Variants in LOC728392 observed in about 807,000 individuals in gnomAD.
chr17:5,500,803 G>T, the LOC728392 span: 2 of 1,160,410 alleles, frequency 1.7e-6, no homozygotes, highest in Non-Finnish European at 2.2e-6. The surrounding 1 kb of genome is among the most constrained non-coding windows in gnomAD (Gnocchi z 5.4). Context: ...CCCGCGCGCC[G>T]ACCAGCCTTC....
At chr17:5,500,774 G>C in the LOC728392 span, 1 of 1,160,176 alleles carries the variant, frequency 8.6e-7, no homozygotes, top group South Asian at 1.7e-5. The surrounding 1 kb of genome is among the most constrained non-coding windows in gnomAD (Gnocchi z 5.4). Flanking sequence ...GCCCGGCGCG[G>C]CCCCCCTGCG....
chr17:5,500,242 G>C, the LOC728392 span: 1 of 992,272 alleles, frequency 1.0e-6, no homozygotes, highest in Non-Finnish European at 1.2e-6. This position sits in a 1 kb window ranked among gnomAD's most constrained non-coding sequence, Gnocchi z 5.4. Flanking sequence ...AAGATTGGGC[G>C]CACTCTGAGC....
At chr17:5,500,474 G>C in the LOC728392 span, 17 of 1,151,098 alleles carry the variant, frequency 1.5e-5, no homozygotes, top group Non-Finnish European at 1.9e-5. This position sits in a 1 kb window ranked among gnomAD's most constrained non-coding sequence, Gnocchi z 5.4. Context: ...AAGACGGAAA[G>C]AAACAAGCAT....
the LOC728392 span, chr17:5,500,455 G>T: frequency 8.8e-7 from 1 of 1,142,740 alleles, no homozygotes; most frequent in Non-Finnish European, 1.1e-6. The surrounding 1 kb of genome is among the most constrained non-coding windows in gnomAD (Gnocchi z 5.4). Flanking sequence ...GACAAAGATA[G>T]TGACAACAAA....
chr17:5,500,914 G>C, the LOC728392 span: 1 of 1,262,520 alleles, frequency 7.9e-7, no homozygotes, highest in South Asian at 1.3e-5. The surrounding 1 kb of genome is among the most constrained non-coding windows in gnomAD (Gnocchi z 5.4). Flanking sequence ...GGGCGAATCT[G>C]CTCGAGACCC....
chr17:5,500,130 T>C, the LOC728392 span: 1 of 986,778 alleles, frequency 1.0e-6, no homozygotes, highest in Non-Finnish European at 1.2e-6. This position sits in a 1 kb window ranked among gnomAD's most constrained non-coding sequence, Gnocchi z 5.4. Context: ...CGATGCAGCA[T>C]CACAGGGCTC....
At chr17:5,500,867 G>C in the LOC728392 span, 1 of 1,245,488 alleles carries the variant, frequency 8.0e-7, no homozygotes. This position sits in a 1 kb window ranked among gnomAD's most constrained non-coding sequence, Gnocchi z 5.4. Flanking sequence ...GGTCTTCCGG[G>C]GGAGGCTTGT....
At chr17:5,500,769 G>C in the LOC728392 span, 109 of 1,203,278 alleles carry the variant, frequency 9.1e-5, no homozygotes, top group African/African-American at 1.5e-3. This position sits in a 1 kb window ranked among gnomAD's most constrained non-coding sequence, Gnocchi z 5.4. Context: ...GGGCTGCCCG[G>C]CGCGGCCCCC....
the LOC728392 span, chr17:5,500,501 G>A: frequency 2.6e-6 from 3 of 1,166,570 alleles, no homozygotes; most frequent in South Asian, 1.7e-5. This position sits in a 1 kb window ranked among gnomAD's most constrained non-coding sequence, Gnocchi z 5.4. Context: ...CTACATGAAG[G>A]GGGTGCAGCG....
At chr17:5,500,756 CG>C in the LOC728392 span, 1 of 1,224,508 alleles carries the variant, frequency 8.2e-7, no homozygotes, top group Non-Finnish European at 1.0e-6. This position sits in a 1 kb window ranked among gnomAD's most constrained non-coding sequence, Gnocchi z 5.4. Context: ...ATGCGGCCTT[CG>C]GGGGCTGCCC....
the LOC728392 span, chr17:5,499,768 C>T: frequency 2.0e-6 from 2 of 985,862 alleles, no homozygotes; most frequent in Non-Finnish European, 1.2e-6. Flanking sequence ...ACAGCCCTCC[C>T]GTGGACCCCG....
the LOC728392 span, chr17:5,499,712 C>T: frequency 1.0e-6 from 1 of 957,040 alleles, no homozygotes. Context: ...CTCACAGCTC[C>T]AGAAGTGAGC....
At chr17:5,499,911 G>A in the LOC728392 span, 5 of 984,526 alleles carry the variant, frequency 5.1e-6, no homozygotes, top group East Asian at 1.2e-4. Flanking sequence ...CAGCTCCTCC[G>A]GGTACCAGTC....
At chr17:5,500,388 G>A in the LOC728392 span, 5 of 1,083,592 alleles carry the variant, frequency 4.6e-6, no homozygotes, top group Non-Finnish European at 5.6e-6. The surrounding 1 kb of genome is among the most constrained non-coding windows in gnomAD (Gnocchi z 5.4). Flanking sequence ...TAACCTGCAG[G>A]TGCAAACAGC....
chr17:5,500,108 TC>T, the LOC728392 span: 1 of 986,088 alleles, frequency 1.0e-6, no homozygotes, highest in African/African-American at 1.7e-5. The surrounding 1 kb of genome is among the most constrained non-coding windows in gnomAD (Gnocchi z 5.4). Context: ...CACAGCTGGC[TC>T]CTCCTGGGGG....
the LOC728392 span, chr17:5,499,639 C>T: frequency 2.5e-6 from 1 of 401,708 alleles, no homozygotes; most frequent in Non-Finnish European, 3.4e-6. Context: ...CCCTAGGGAT[C>T]AGGTGGTTTT....
chr17:5,499,533 A>G, the LOC728392 span: 1 of 153,680 alleles, frequency 6.5e-6, no homozygotes, highest in Non-Finnish European at 1.4e-5. Context: ...GCGTTTTAAC[A>G]TTTAACATTC....
At chr17:5,500,983 G>T in the LOC728392 span, 1 of 1,230,274 alleles carries the variant, frequency 8.1e-7, no homozygotes, top group Non-Finnish European at 1.1e-6. This position sits in a 1 kb window ranked among gnomAD's most constrained non-coding sequence, Gnocchi z 5.4. Context: ...AGGTGGGTCA[G>T]CCGGGTCTGG....
chr17:5,500,439 C>G, the LOC728392 span: 1 of 1,136,716 alleles, frequency 8.8e-7, no homozygotes, highest in African/African-American at 1.7e-5. The surrounding 1 kb of genome is among the most constrained non-coding windows in gnomAD (Gnocchi z 5.4). Flanking sequence ...TACTTTCGTA[C>G]TGATAGACAA....
Sources: gnomAD v4.1 joint callset for allele counts on GRCh38, gnomAD v4.1.1 for gene constraint, Gnocchi (gnomAD v3.1) non-coding constraint, MANE v1.5 for transcripts.